The following KLF12 variants were observed in gnomAD, a reference collection of about 807,000 sequenced individuals.
KLF12 encodes Krueppel-like factor 12.
KLF12 carries 9 observed loss-of-function variants against 37.8 expected under a neutral mutation model. The ratio of observed to expected loss-of-function variants is 0.24; its 90% CI spans 0.14 to 0.42. The LOEUF (loss-of-function observed/expected upper bound fraction) is 0.42. Ranked by LOEUF, KLF12 falls within the 10% of genes least tolerant of loss-of-function variation. The pLI, the probability that KLF12 is intolerant of heterozygous loss-of-function variation, is 1.00. For missense variants in KLF12, 411 were observed against 516.0 expected (o/e 0.80, Z 1.97); for synonymous variants, 208 against 202.1 (o/e 1.03, Z -0.25).
chr13:73,890,605 C>T (rs1180534519), intron 3 of KLF12, among the ~76,000 whole-genome samples: 1 of 151,930 alleles, frequency 6.6e-6, no homozygotes, highest in Non-Finnish European at 1.5e-5. Flanking sequence ...TTATGCAAGG[C>T]CATTGGTTTA....
At chr13:74,290,480 C>G in the KLF12 span, among the ~76,000 whole-genome samples, 1 of 152,210 alleles carries the variant, frequency 6.6e-6, no homozygotes, top group Non-Finnish European at 1.5e-5. Context: ...CCTCCCTCCA[C>G]CCCTCTGCGT....
chr13:74,152,659 G>T, the KLF12 span, among the ~76,000 whole-genome samples: 1 of 152,002 alleles, frequency 6.6e-6, no homozygotes, highest in East Asian at 1.9e-4. Flanking sequence ...GAGGTGGGAG[G>T]ATCACTTGAG....
intron 7 of KLF12, among the ~76,000 whole-genome samples, chr13:73,711,596 C>A (rs1389738801): frequency 6.6e-6 from 1 of 152,132 alleles, no homozygotes; most frequent in Non-Finnish European, 1.5e-5. Context: ...TTTAAGCCCA[C>A]TGTTGAGGCC....
intron 6 of KLF12, among the ~76,000 whole-genome samples, chr13:73,728,407 A>G (rs1020034971): frequency 1.4e-4 from 21 of 152,218 alleles, no homozygotes; most frequent in Admixed American, 4.6e-4. Context: ...CTGCAAATAG[A>G]GATAGCTTTA....
At chr13:74,276,149 C>T in the KLF12 span, among the ~76,000 whole-genome samples, 5 of 151,836 alleles carry the variant, frequency 3.3e-5, no homozygotes, top group African/African-American at 1.2e-4. Context: ...CCCCAACAGG[C>T]CCCAGTGTGT....
At chr13:73,742,470 C>T (rs1460701699) in intron 6 of KLF12, among the ~76,000 whole-genome samples, 2 of 152,112 alleles carry the variant, frequency 1.3e-5, no homozygotes. Context: ...AGTTATAGAG[C>T]AATTTAATGT....
At chr13:74,090,565 C>T (rs992766891) in intron 1 of KLF12, among the ~76,000 whole-genome samples, 1 of 152,046 alleles carries the variant, frequency 6.6e-6, no homozygotes, top group Admixed American at 6.6e-5. Flanking sequence ...ACTGGTGGGT[C>T]GCTGTGGTTT....
At chr13:74,254,771 C>T in the KLF12 span, among the ~76,000 whole-genome samples, 5 of 151,970 alleles carry the variant, frequency 3.3e-5, no homozygotes, top group East Asian at 5.8e-4. Context: ...CCATGGTTTG[C>T]GTGTATGTGT....
Position 73,929,376 on chromosome 13 carries a change from A to G in KLF12, c.123+14605T>C, listed in dbSNP as rs1889557626. ...ATATTATAATCCCCATTTTACAGAT[A>G]AAGAAACTGAGACAGATTAAGTAGC... On this transcript the variant is annotated intron_variant, in intron 3 of 7. Transcript: ENST00000377669. 2.0e-5 allele frequency among the ~76,000 whole-genome samples: 3 copies of G among 152,226 alleles called. No homozygotes were observed. In the South Asian group the frequency reaches 6.2e-4, roughly 31 times the overall value.
At chr13:74,049,607 TAAG>T (rs1872779072) in intron 1 of KLF12, among the ~76,000 whole-genome samples, 1 of 151,988 alleles carries the variant, frequency 6.6e-6, no homozygotes, top group Admixed American at 6.6e-5. Context: ...AAAGAATAAA[TAAG>T]AAGACAAAAA....
chr13:74,057,514 A>G (rs1319058367), intron 1 of KLF12, among the ~76,000 whole-genome samples: 1 of 152,236 alleles, frequency 6.6e-6, no homozygotes, highest in Non-Finnish European at 1.5e-5. Context: ...CTCAGCTAGT[A>G]TAAGACAAAA....
At chr13:74,294,517 C>T in the KLF12 span, among the ~76,000 whole-genome samples, 535 of 152,032 alleles carry the variant, frequency 3.5e-3, 2 homozygotes, top group African/African-American at 0.012. Flanking sequence ...TACAGGCACG[C>T]GCCACCATGC....
the KLF12 span, among the ~76,000 whole-genome samples, chr13:74,227,647 C>T: frequency 6.6e-6 from 1 of 151,954 alleles, no homozygotes; most frequent in African/African-American, 2.4e-5. Flanking sequence ...ATAAGAATCC[C>T]CGTGGTTATA....
At chr13:74,131,205 T>C (rs766361335) in intron 1 of KLF12, among the ~76,000 whole-genome samples, 2 of 152,158 alleles carry the variant, frequency 1.3e-5, no homozygotes, top group Non-Finnish European at 2.9e-5. Context: ...TACTGTAACA[T>C]CTAAAACTCA....
chr13:73,893,566 G>A (rs189235654), intron 3 of KLF12, among the ~76,000 whole-genome samples: 2 of 151,880 alleles, frequency 1.3e-5, no homozygotes, highest in East Asian at 1.9e-4. Context: ...ATTTTTGGTA[G>A]AGAAGGGGTT....
At chr13:74,255,235 A>G in the KLF12 span, among the ~76,000 whole-genome samples, 1,030 of 152,368 alleles carry the variant, frequency 6.8e-3, 13 homozygotes, top group African/African-American at 0.023. Flanking sequence ...TAAGTGCTCC[A>G]TAAATACTGG....
At chr13:74,303,422 T>A in the KLF12 span, among the ~76,000 whole-genome samples, 1 of 152,126 alleles carries the variant, frequency 6.6e-6, no homozygotes, top group Non-Finnish European at 1.5e-5. Context: ...ATAGCTAACT[T>A]CTGTTTTCTT....
At chr13:74,241,478 C>T in the KLF12 span, among the ~76,000 whole-genome samples, 606 of 152,310 alleles carry the variant, frequency 4.0e-3, 6 homozygotes, top group African/African-American at 0.013. Context: ...CCACCCAGTT[C>T]GAGCTTCTGG....
intron 5 of KLF12, among the ~76,000 whole-genome samples, chr13:73,804,318 T>C (rs1278841590): frequency 6.6e-6 from 1 of 152,212 alleles, no homozygotes; most frequent in African/African-American, 2.4e-5. Context: ...ATCTCCAGCA[T>C]GTAACAAGGA....
Sources: allele counts gnomAD v4.1 joint callset (sites outside exome capture counted in the v4.1 genomes callset), GRCh38; gene constraint gnomAD v4.1.1; transcripts MANE v1.5; gene names NCBI Gene and HGNC (gene_info 2026-07-23, HGNC 2026-07-21).